The following C13orf46 variants were observed in gnomAD, a reference collection of about 807,000 sequenced individuals.
C13orf46 encodes uncharacterized protein C13orf46.
At chr13:113,959,909 T>C (rs2052574089) in intron 6 of C13orf46, among the ~76,000 whole-genome samples, 1 of 152,132 alleles carries the variant, frequency 6.6e-6, no homozygotes, top group Non-Finnish European at 1.5e-5. Flanking sequence ...AAGAATTCTG[T>C]GTGTAAGTTG....
At chr13:113,949,459 C>T (rs1488015972), downstream of C13orf46, among the ~76,000 whole-genome samples, 4 of 152,156 alleles carry the variant, frequency 2.6e-5, no homozygotes, top group Non-Finnish European at 5.9e-5. Context: ...TCCAGGTCGT[C>T]AGTGTCAGAA....
chr13:113,943,070 A>C, the C13orf46 span, among the ~76,000 whole-genome samples: 2 of 152,186 alleles, frequency 1.3e-5, no homozygotes, highest in African/African-American at 2.4e-5. Context: ...ATTTCTGCAA[A>C]TGGCTGCCTC....
At chr13:113,958,072 T>G (rs1274072101) in intron 6 of C13orf46, among the ~76,000 whole-genome samples, 1 of 136,072 alleles carries the variant, frequency 7.3e-6, no homozygotes, top group Non-Finnish European at 1.6e-5. Flanking sequence ...GGGTCTCCCC[T>G]GCACTCTGTA....
intron 6 of C13orf46, among the ~76,000 whole-genome samples, chr13:113,958,805 C>A (rs2052563587): frequency 6.6e-6 from 1 of 152,196 alleles, no homozygotes; most frequent in Non-Finnish European, 1.5e-5. Context: ...GGCACCTTGA[C>A]CCCAGCACAG....
At chr13:113,942,874 C>T in the C13orf46 span, among the ~76,000 whole-genome samples, 16 of 152,324 alleles carry the variant, frequency 1.1e-4, no homozygotes, top group South Asian at 2.1e-4. Flanking sequence ...AAAGGCACAG[C>T]GCCCCAGTGC....
chr13:113,967,644 C>T (rs1471479301), intron 4 of C13orf46, among the ~76,000 whole-genome samples: 1 of 152,176 alleles, frequency 6.6e-6, no homozygotes, highest in Admixed American at 6.5e-5. Context: ...CTCACCCCTC[C>T]CTACTCACCT....
At chr13:113,965,651 C>T (rs2052628556) in intron 5 of C13orf46, among the ~76,000 whole-genome samples, 1 of 149,824 alleles carries the variant, frequency 6.7e-6, no homozygotes, top group Non-Finnish European at 1.5e-5. Flanking sequence ...ATGATTGTGA[C>T]AATGATGATG....
chr13:113,941,770 G>C, the C13orf46 span, among the ~76,000 whole-genome samples: 3 of 152,204 alleles, frequency 2.0e-5, no homozygotes, highest in Non-Finnish European at 4.4e-5. Context: ...GCTGCGCAGG[G>C]TCCCTGGCCT....
chr13:113,932,214 G>A, the C13orf46 span, among the ~76,000 whole-genome samples: 1 of 152,224 alleles, frequency 6.6e-6, no homozygotes, highest in Non-Finnish European at 1.5e-5. Flanking sequence ...AGGTTGTTGT[G>A]AACGTTTACG....
chr13:113,929,979 GGAC>G, the C13orf46 span, among the ~76,000 whole-genome samples: 1 of 152,242 alleles, frequency 6.6e-6, no homozygotes, highest in Non-Finnish European at 1.5e-5. Context: ...GCCAAAAAGT[GGAC>G]TTACGTGGAC....
At chr13:113,966,349 G>T in intron 5 of C13orf46, among the ~76,000 whole-genome samples, 1 of 144,086 alleles carries the variant, frequency 6.9e-6, no homozygotes, top group East Asian at 2.0e-4. Flanking sequence ...ATGTGATAAT[G>T]ACGGTGATGA....
the C13orf46 span, among the ~76,000 whole-genome samples, chr13:113,945,254 C>T: frequency 6.6e-6 from 1 of 152,126 alleles, no homozygotes; most frequent in African/African-American, 2.4e-5. Flanking sequence ...CCAGGCCACA[C>T]CACATGGCTT....
At chr13:113,948,507 C>T in the C13orf46 span, among the ~76,000 whole-genome samples, 11 of 152,208 alleles carry the variant, frequency 7.2e-5, no homozygotes, top group Non-Finnish European at 1.5e-5. Flanking sequence ...AACTGGGCCA[C>T]GAAACTGACA....
At chr13:113,969,878 T>C (rs1433108896) in intron 2 of C13orf46, among the ~76,000 whole-genome samples, 1 of 152,156 alleles carries the variant, frequency 6.6e-6, no homozygotes, top group African/African-American at 2.4e-5. Context: ...GGGTGTCTAC[T>C]GAGAGGGATG....
chr13:113,973,609 T>C (rs1032200220), intron 1 of C13orf46, among the ~76,000 whole-genome samples, 199 bp downstream of exon 1: 1 of 152,100 alleles, frequency 6.6e-6, no homozygotes, highest in African/African-American at 2.4e-5. Context: ...CACGCCCCCC[T>C]GCAATGTATG....
At chr13:113,937,287 C>T in the C13orf46 span, among the ~76,000 whole-genome samples, 2 of 152,294 alleles carry the variant, frequency 1.3e-5, no homozygotes, top group African/African-American at 4.8e-5. Context: ...GTGCAGTGAC[C>T]GTGGTCACGC....
downstream of C13orf46, among the ~76,000 whole-genome samples, chr13:113,952,849 C>G (rs920158392): frequency 6.6e-6 from 1 of 152,244 alleles, no homozygotes; most frequent in Admixed American, 6.5e-5. Context: ...CCCAACGGGC[C>G]GGGCAGCAGC....
chr13:113,958,558 T>A (rs1371783807), intron 6 of C13orf46, among the ~76,000 whole-genome samples: 1 of 152,164 alleles, frequency 6.6e-6, no homozygotes, highest in Non-Finnish European at 1.5e-5. Context: ...GCCCTCGCAC[T>A]CAAACCTTGA....
chr13:113,939,602 C>G, the C13orf46 span, among the ~76,000 whole-genome samples: 1 of 152,238 alleles, frequency 6.6e-6, no homozygotes, highest in Non-Finnish European at 1.5e-5. Flanking sequence ...CAGCCGCCTC[C>G]TCCTGGGCTT....
Sources: allele counts gnomAD v4.1 joint callset (sites outside exome capture counted in the v4.1 genomes callset), GRCh38; gene constraint gnomAD v4.1.1; transcripts MANE v1.5; gene names NCBI Gene and HGNC (gene_info 2026-07-23, HGNC 2026-07-21).